Variants in RAPGEF1 observed in about 807,000 individuals in gnomAD.
RAPGEF1 encodes the protein CRK SH3-binding GNRP.
A neutral mutation model predicts 143.3 loss-of-function variants in RAPGEF1; 33 were observed. That is an observed-to-expected ratio of 0.23 (90% CI 0.17 to 0.31). RAPGEF1 has a LOEUF of 0.31. RAPGEF1 is among the 10% of genes least tolerant of loss of function. The pLI, the probability that RAPGEF1 is intolerant of heterozygous loss-of-function variation, is 1.00. For synonymous variants in RAPGEF1, 629 were observed against 676.5 expected (o/e 0.93, Z 1.09); for missense variants, 1,199 against 1,645.4 (o/e 0.73, Z 4.69).
Position 131,717,960 on chromosome 9 carries a change from G to C in RAPGEF1, c.61+21810C>G, listed in dbSNP as rs996219209. ...AGGAAGAGGAACTCATGTTTGCCCA[G>C]TTCTTCCAATCGAGTACTCCCCAGC... is the stretch of plus-strand genomic sequence containing the variant. On this transcript the variant is annotated intron_variant, in intron 1 of 26. Transcript: ENST00000683357. 4.6e-5 allele frequency among the ~76,000 whole-genome samples: 7 copies of C among 152,216 alleles called. No homozygotes were observed. In the East Asian group the frequency reaches 1.4e-3, roughly 29 times the overall value.
At position 131,579,083 on chromosome 9, in the gene RAPGEF1, T is replaced by A. The variant is rs968781932; in HGVS notation, c.*414A>T. The A allele has an allele frequency of 2.9e-5, 5 of 170,440 alleles. No homozygotes were observed. The highest frequency in any genetic ancestry group is 1.2e-4 in the African/African-American group (5 of 41,736). 10.6% of individuals were successfully genotyped at this position (170,440 alleles called of 1,614,324 possible). ...AGGAGGCCTCCACTCATTTGAGATTTCAGAAGATTCAGGGACCCTGGAGCT... is the reference window on the plus strand; with the variant it reads ...AGGAGGCCTCCACTCATTTGAGATTACAGAAGATTCAGGGACCCTGGAGCT... On this transcript the variant is annotated 3_prime_UTR_variant, in exon 27 of 27. Coordinates refer to ENST00000683357, the MANE Select transcript of RAPGEF1 (RefSeq NM_001377935.1).
rs557994512 is a variant in RAPGEF1 at position 131,672,394 on chromosome 9, C to T, written c.62-21445G>A. Among the ~76,000 whole-genome samples, 4 of 152,328 alleles carry T rather than the reference C, an allele frequency of 2.6e-5. No individual in the cohort carries two copies. In the East Asian group the frequency reaches 7.7e-4, roughly 29 times the overall value. ...GTTCAGCTGAAAAGGGACTGGGCAT[C>T]AGATGACGGCATCAGTGTCACATGG... On this transcript the variant is annotated intron_variant, in intron 1 of 26. Transcript: ENST00000683357.
intron 1 of RAPGEF1, among the ~76,000 whole-genome samples, chr9:131,721,602 A>C (rs1249296622): frequency 1.3e-5 from 2 of 152,180 alleles, no homozygotes; most frequent in Non-Finnish European, 2.9e-5. Context: ...ATTCAGCTCG[A>C]AGACGGGTCA....
At position 131,672,168 on chromosome 9, in the gene RAPGEF1, C is replaced by T. The variant is rs76818258; in HGVS notation, c.62-21219G>A. On this transcript the variant is annotated intron_variant, in intron 1 of 26. Transcript: ENST00000683357. ...TAAGGACCAAGCACAGGTGCAAAGGCACAGGTGGGCATTTCAGAGAGGGAG... is the reference window on the plus strand; with the variant it reads ...TAAGGACCAAGCACAGGTGCAAAGGTACAGGTGGGCATTTCAGAGAGGGAG... Among the ~76,000 whole-genome samples, 5 of 152,302 alleles carry T rather than the reference C, an allele frequency of 3.3e-5. No individual in the cohort carries two copies. The East Asian group carries it at 9.6e-4, about 29-fold the overall frequency.
chr9:131,695,055 T>C (rs904085751), intron 1 of RAPGEF1, among the ~76,000 whole-genome samples: 2 of 149,626 alleles, frequency 1.3e-5, no homozygotes, highest in African/African-American at 4.9e-5. Context: ...ACGGATAATG[T>C]TGACTGTCTA....
chr9:131,739,580 C>T (rs1173187507), intron 1 of RAPGEF1, among the ~76,000 whole-genome samples, 190 bp downstream of exon 1: 2 of 149,756 alleles, frequency 1.3e-5, no homozygotes, highest in Non-Finnish European at 3.0e-5. Flanking sequence ...GCGGCCGCTT[C>T]CCCCCGCGCC....
chr9:131,710,631 G>A (rs1835438583), intron 1 of RAPGEF1, among the ~76,000 whole-genome samples: 2 of 152,212 alleles, frequency 1.3e-5, no homozygotes, highest in South Asian at 4.1e-4. Context: ...GCTCACGCCT[G>A]TAATCCCAGC....
chr9:131,683,260 C>T (rs1833068278), intron 1 of RAPGEF1, among the ~76,000 whole-genome samples: 1 of 152,176 alleles, frequency 6.6e-6, no homozygotes, highest in African/African-American at 2.4e-5. Flanking sequence ...TAAAATGGTT[C>T]ACAGATAAGC....
At position 131,582,620 on chromosome 9, in the gene RAPGEF1, G is replaced by A; in HGVS notation, c.3497C>T (p.Pro1166Leu). 6.5e-7 allele frequency: 1 copy of A among 1,530,458 alleles called. No homozygotes were observed. The highest frequency in any genetic ancestry group is 8.7e-7 in the Non-Finnish European group (1 of 1,149,044). The allele number at this position is 1,530,458 out of a possible 1,614,324, so 94.8% of individuals were successfully genotyped here. A position where few individuals can be genotyped will look rare whatever the true frequency, so the allele number is the denominator to read the frequency against. ...TGCTACTCACAGGTACGGGATGCAC[G>A]GCGGTTCCACCTCCGAGAGGGCGGC... The part of the protein sequence containing the change: ...YRAALSEVEP[P>L]CIPYLGLILQ... Residue 1166 changes from proline to leucine, a missense_variant, in exon 25 of 27, where the codon CCG (proline) becomes CTG (leucine). Pro to Leu is a moderately conservative substitution (Grantham distance 98). Around this residue, in one of 6 missense-constraint regions of RAPGEF1, gnomAD observed 209 missense variants for 403.0 expected, o/e 0.52. Coordinates refer to ENST00000683357, the MANE Select transcript of RAPGEF1 (RefSeq NM_001377935.1).
chr9:131,596,253 C>A (rs1222381170), intron 17 of RAPGEF1, 45 bp downstream of exon 17: 1 of 1,577,930 alleles, frequency 6.3e-7, no homozygotes, highest in African/African-American at 1.3e-5. Context: ...GAGTGGCACC[C>A]GGGGCAGGAC....
At chr9:131,607,797 A>G (rs1464583247) in intron 12 of RAPGEF1, among the ~76,000 whole-genome samples, 1 of 152,196 alleles carries the variant, frequency 6.6e-6, no homozygotes, top group Admixed American at 6.5e-5. Context: ...AAATAGCCTC[A>G]TCGGCGCCCC....
chr9:131,638,586 A>AG (rs1352031919), intron 5 of RAPGEF1, 49 bp downstream of exon 5: 1 of 1,598,586 alleles, frequency 6.3e-7, no homozygotes, highest in African/African-American at 1.3e-5. Context: ...ACCAGCAGGC[A>AG]GGCTGCTCTA....
intron 1 of RAPGEF1, 138 bp from the exon 2 acceptor site, chr9:131,651,087 G>T: frequency 9.1e-7 from 1 of 1,099,646 alleles, no homozygotes; most frequent in Non-Finnish European, 1.3e-6. Context: ...AAGGACGTAT[G>T]GATCCATTAC....
At chr9:131,689,663 C>T (rs926740423) in intron 1 of RAPGEF1, among the ~76,000 whole-genome samples, 4 of 152,016 alleles carry the variant, frequency 2.6e-5, no homozygotes, top group African/African-American at 9.7e-5. Flanking sequence ...CTCAGCCTCC[C>T]GAGTAGCTGG....
Position 131,628,616 on chromosome 9 carries a change from A to G in RAPGEF1, c.950T>C (p.Val317Ala). The G allele has an allele frequency of 6.2e-7, 1 of 1,613,120 alleles. No homozygotes were observed. The highest frequency in any genetic ancestry group is 8.5e-7 in the Non-Finnish European group (1 of 1,179,240). The change falls in exon 8 of 27, where the codon GTG (valine) becomes GCG (alanine). Residue 317 changes from valine to alanine, a missense_variant. This residue lies in a region of RAPGEF1 where 613 missense variants were observed against 710.9 expected (regional missense o/e 0.86). Coordinates refer to ENST00000683357, the MANE Select transcript of RAPGEF1 (RefSeq NM_001377935.1). This position sits in a 1 kb window ranked among gnomAD's most constrained non-coding sequence, Gnocchi z 5.7. The stretch of plus-strand genomic sequence containing the variant: ...TCGGCTCATGGGGGCCACCACAGCC[A>G]CTCGGGTAGGGGACGGCGCCGACTG... ...KRQSAPSPTR[V>A]AVVAPMSRAT...
At chr9:131,601,046 C>T (rs1040241846) in intron 15 of RAPGEF1, among the ~76,000 whole-genome samples, 3 of 152,146 alleles carry the variant, frequency 2.0e-5, no homozygotes, top group Non-Finnish European at 4.4e-5. Flanking sequence ...GTGGCACATG[C>T]CTGTAGTCCC....
At chr9:131,609,518 A>G (rs1479757965) in intron 12 of RAPGEF1, among the ~76,000 whole-genome samples, 2 of 152,068 alleles carry the variant, frequency 1.3e-5, no homozygotes, top group Non-Finnish European at 2.9e-5. Context: ...GACACCAGGC[A>G]TGCAAAGCCC....
At chr9:131,660,768 G>T (rs1564645825) in intron 1 of RAPGEF1, among the ~76,000 whole-genome samples, 1 of 152,218 alleles carries the variant, frequency 6.6e-6, no homozygotes, top group Admixed American at 6.5e-5. Context: ...AGGCAGAAGG[G>T]GTGAGGAGGG....
chr9:131,607,183 T>A (rs1957249389), intron 12 of RAPGEF1, among the ~76,000 whole-genome samples: 1 of 152,194 alleles, frequency 6.6e-6, no homozygotes, highest in African/African-American at 2.4e-5. Flanking sequence ...CCCTATGCCA[T>A]GGTCAAATAA....
Sources: allele counts gnomAD v4.1 joint callset (sites outside exome capture counted in the v4.1 genomes callset), GRCh38; gene constraint gnomAD v4.1.1; regional missense constraint gnomAD v4.1.1; non-coding constraint Gnocchi (gnomAD v3.1); transcripts MANE v1.5; gene names NCBI Gene and HGNC (gene_info 2026-07-23, HGNC 2026-07-21).